RBFOX1: variants seen among roughly 807,000 people sequenced by gnomAD.
RBFOX1 encodes the protein RNA binding protein fox-1 homolog 1.
In RBFOX1, 8 loss-of-function variants were observed where a neutral mutation model predicts 57.7. That is an observed-to-expected ratio of 0.14 (90% CI 0.08 to 0.25). RBFOX1 has a LOEUF of 0.25. Among genes scored for constraint, RBFOX1 ranks in the 10% least tolerant of loss-of-function variants. RBFOX1 has a pLI of 1.00. For missense variants in RBFOX1, 611 were observed against 548.5 expected, an observed-to-expected ratio of 1.11 and a Z score of -1.14; for synonymous variants, 326 against 222.4, an observed-to-expected ratio of 1.47 and a Z score of -4.15.
intron 4 of RBFOX1, among the ~76,000 whole-genome samples, chr16:7,192,123 A>G (rs1214145099): frequency 2.6e-5 from 4 of 152,214 alleles, no homozygotes; most frequent in Non-Finnish European, 5.9e-5. Flanking sequence ...GAAGCAAAAA[A>G]TAATTGGTGG....
chr16:6,985,183 T>C (rs769423028), intron 3 of RBFOX1, among the ~76,000 whole-genome samples: 13 of 138,322 alleles, frequency 9.4e-5, no homozygotes, highest in Non-Finnish European at 1.9e-4. Context: ...GTTTAAAATG[T>C]GATCACATTC....
At chr16:7,688,757 G>C (rs528325603) in intron 14 of RBFOX1, among the ~76,000 whole-genome samples, 5 of 152,142 alleles carry the variant, frequency 3.3e-5, no homozygotes, top group Admixed American at 6.6e-5. Context: ...TGACATAAGA[G>C]TGAAAGAGAC....
At chr16:5,828,559 C>T (rs1189053593) in intron 3 of RBFOX1, among the ~76,000 whole-genome samples, 4 of 152,036 alleles carry the variant, frequency 2.6e-5, no homozygotes, top group East Asian at 1.9e-4. Flanking sequence ...ATTAGCTGGG[C>T]GTGGTGGTGC....
intron 3 of RBFOX1, among the ~76,000 whole-genome samples, chr16:6,662,129 G>T (rs962085952): frequency 1.2e-4 from 9 of 72,704 alleles, no homozygotes; most frequent in East Asian, 1.1e-3. Flanking sequence ...CGAGGGCTGG[G>T]GGCGGGGTGA....
chr16:7,007,404 A>T (rs1269139167), intron 3 of RBFOX1, among the ~76,000 whole-genome samples: 1 of 152,166 alleles, frequency 6.6e-6, no homozygotes, highest in African/African-American at 2.4e-5. Context: ...TTGTGATTAG[A>T]TGGGATTTTC....
intron 5 of RBFOX1, among the ~76,000 whole-genome samples, chr16:7,569,559 TG>T (rs2152758319): frequency 6.6e-6 from 1 of 152,330 alleles, no homozygotes; most frequent in African/African-American, 2.4e-5. Flanking sequence ...ATCTATTTTA[TG>T]GTCATGTGAT....
intron 3 of RBFOX1, among the ~76,000 whole-genome samples, chr16:5,677,966 T>G (rs946587816): frequency 1.3e-5 from 2 of 152,232 alleles, no homozygotes; most frequent in African/African-American, 4.8e-5. Context: ...CTATGTCAGA[T>G]GCTCATGGTG....
chr16:6,907,383 A>G (rs2070304130), intron 3 of RBFOX1, among the ~76,000 whole-genome samples: 3 of 152,108 alleles, frequency 2.0e-5, no homozygotes, highest in African/African-American at 4.8e-5. Flanking sequence ...GTATCCATGT[A>G]TTGGTTTTCT....
intron 3 of RBFOX1, among the ~76,000 whole-genome samples, chr16:6,818,261 G>T (rs977412389): frequency 6.6e-6 from 1 of 151,958 alleles, no homozygotes. Flanking sequence ...TTAGAAGTAG[G>T]TGCTTGTGTA....
intron 3 of RBFOX1, among the ~76,000 whole-genome samples, chr16:5,813,753 G>A (rs552290260): frequency 3.9e-5 from 6 of 152,318 alleles, no homozygotes; most frequent in East Asian, 1.9e-4. Flanking sequence ...GCATCAGCAC[G>A]TGCTTACTAT....
In RBFOX1 at chr16:6,970,662, C is replaced by A. The variant is rs567211448; in HGVS notation, c.-15-81395C>A. Among the ~76,000 whole-genome samples the A allele has an allele frequency of 9.8e-5, 15 of 152,314 alleles. No homozygotes were observed. In the East Asian group the frequency reaches 2.5e-3, roughly 25 times the overall value. On this transcript the variant is annotated intron_variant, in intron 3 of 15. Transcript: ENST00000550418. The stretch of plus-strand genomic sequence containing the variant: ...ATCCCATTTGTGAGGGCTATGACCT[C>A]ATGACGTAATCACCTTCTAAAAATC...
chr16:6,614,770 T>C (rs1322839687), intron 2 of RBFOX1, among the ~76,000 whole-genome samples: 1 of 152,174 alleles, frequency 6.6e-6, no homozygotes, highest in African/African-American at 2.4e-5. Context: ...TGACTTCACA[T>C]GGCCATTTTA....
chr16:6,472,410 A>T (rs1351021821), intron 2 of RBFOX1, among the ~76,000 whole-genome samples: 4 of 152,258 alleles, frequency 2.6e-5, no homozygotes, highest in Non-Finnish European at 1.5e-5. Context: ...GCCCCCAAGC[A>T]TGTGAGATGT....
intron 1 of RBFOX1, among the ~76,000 whole-genome samples, chr16:6,045,140 C>T (rs1555486485): frequency 6.6e-6 from 1 of 152,134 alleles, no homozygotes; most frequent in Non-Finnish European, 1.5e-5. Context: ...GCAAATCACC[C>T]AAGACTCTTG....
intron 3 of RBFOX1, among the ~76,000 whole-genome samples, chr16:6,782,419 C>A (rs755477711): frequency 6.6e-6 from 1 of 152,190 alleles, no homozygotes; most frequent in African/African-American, 2.4e-5. Context: ...TATTCAGGAG[C>A]ATGTTATTTA....
chr16:6,544,794 T>C (rs1020851297), intron 2 of RBFOX1, among the ~76,000 whole-genome samples: 1 of 152,224 alleles, frequency 6.6e-6, no homozygotes, highest in African/African-American at 2.4e-5. Context: ...TGAATGATGC[T>C]GAGCACGTAG....
intron 3 of RBFOX1, among the ~76,000 whole-genome samples, chr16:5,717,244 T>A (rs2051737559): frequency 6.6e-6 from 1 of 152,214 alleles, no homozygotes; most frequent in Non-Finnish European, 1.5e-5. Context: ...TTTTCTTGTG[T>A]GATACAGCCT....
chr16:6,124,621 G>A (rs1270220796), intron 1 of RBFOX1, among the ~76,000 whole-genome samples: 4 of 152,044 alleles, frequency 2.6e-5, no homozygotes. Context: ...TCCCACTTCA[G>A]CCTTCCGAGT....
At chr16:7,322,350 C>A (rs2096556615) in intron 4 of RBFOX1, among the ~76,000 whole-genome samples, 1 of 152,250 alleles carries the variant, frequency 6.6e-6, no homozygotes, top group South Asian at 2.1e-4. Context: ...GTGGTGAATG[C>A]TGACTGGCAG....
Sources: gnomAD v4.1 joint callset for allele counts (sites outside exome capture counted in the v4.1 genomes callset) on GRCh38, gnomAD v4.1.1 for gene constraint, MANE v1.5 for transcripts, NCBI Gene and HGNC (gene_info 2026-07-23, HGNC 2026-07-21) for gene names.